XYLT1: variants seen among roughly 807,000 people sequenced by gnomAD.
XYLT1 encodes xylosyltransferase 1, also known as beta-D-xylosyltransferase 1.
In XYLT1, 36 loss-of-function variants were observed where a neutral mutation model predicts 91.3. That is an observed-to-expected ratio of 0.39 (90% CI 0.30 to 0.52). The LOEUF (loss-of-function observed/expected upper bound fraction) is 0.52. Ranked by LOEUF, XYLT1 falls within the 20% of genes least tolerant of loss-of-function variation. XYLT1 has a pLI of 0.68. For missense variants in XYLT1, 1,242 were observed against 1,284.5 expected (o/e 0.97, Z 0.51); for synonymous variants, 588 against 532.0 (o/e 1.11, Z -1.45).
chr16:17,307,142 T>C (rs2034482348), intron 2 of XYLT1, among the ~76,000 whole-genome samples: 1 of 152,124 alleles, frequency 6.6e-6, no homozygotes, highest in Non-Finnish European at 1.5e-5. Context: ...GCAATGACAT[T>C]ATCTCAGGTC....
chr16:17,391,478 C>T (rs1163076867), intron 1 of XYLT1, among the ~76,000 whole-genome samples: 1 of 152,170 alleles, frequency 6.6e-6, no homozygotes, highest in Non-Finnish European at 1.5e-5. Context: ...GCCAGTTCTG[C>T]ATGAATTAAA....
intron 1 of XYLT1, among the ~76,000 whole-genome samples, chr16:17,417,511 C>T (rs1251643864): frequency 2.0e-5 from 3 of 152,076 alleles, no homozygotes; most frequent in Admixed American, 1.3e-4. Flanking sequence ...CTCCCAGAGC[C>T]TCCTCTGGGC....
intron 2 of XYLT1, among the ~76,000 whole-genome samples, chr16:17,332,567 T>TATAC (rs1555498154): frequency 3.1e-4 from 43 of 137,902 alleles, no homozygotes; most frequent in African/African-American, 1.1e-3. Flanking sequence ...ATCACACACA[T>TATAC]ACACACACAC....
At chr16:17,337,775 CTTTTTCTT>C (rs1219923329) in intron 2 of XYLT1, among the ~76,000 whole-genome samples, 6 of 114,214 alleles carry the variant, frequency 5.3e-5, no homozygotes, top group Non-Finnish European at 8.3e-5. Context: ...CACATTTTTT[CTTTTTCTT>C]TTTTTTTTTT....
intron 1 of XYLT1, among the ~76,000 whole-genome samples, chr16:17,421,890 T>C (rs2036255577): frequency 6.6e-6 from 1 of 152,172 alleles, no homozygotes. Flanking sequence ...CAGGCCAGAA[T>C]GCAGTGGTGC....
At chr16:17,117,201 C>G (rs7199521) in intron 11 of XYLT1, among the ~76,000 whole-genome samples, 8,617 of 152,244 alleles carry the variant, frequency 0.057, 801 homozygotes, top group African/African-American at 0.19. Context: ...AAATTCTGAA[C>G]ATGAGTACTT....
intron 1 of XYLT1, among the ~76,000 whole-genome samples, chr16:17,386,498 TG>T (rs944332660): frequency 2.6e-5 from 4 of 151,816 alleles, no homozygotes; most frequent in African/African-American, 7.3e-5. Flanking sequence ...GATGGAGAGG[TG>T]GAGGGGCTCA....
chr16:17,240,460 G>T (rs1056165415), intron 3 of XYLT1, among the ~76,000 whole-genome samples: 9 of 152,130 alleles, frequency 5.9e-5, no homozygotes, highest in Admixed American at 1.3e-4. Flanking sequence ...GCAGGGAGCG[G>T]GTATGAGACG....
chr16:17,198,945 T>C (rs1391046619), intron 4 of XYLT1, among the ~76,000 whole-genome samples: 1 of 152,178 alleles, frequency 6.6e-6, no homozygotes, highest in Non-Finnish European at 1.5e-5. Context: ...GGCTTCACCA[T>C]GTTGGACAGG....
At chr16:17,405,077 C>T (rs1010203489) in intron 1 of XYLT1, among the ~76,000 whole-genome samples, 4 of 152,062 alleles carry the variant, frequency 2.6e-5, no homozygotes, top group South Asian at 2.1e-4. Flanking sequence ...CGCCACCCCG[C>T]GCCACCTCTC....
chr16:17,220,455 G>C (rs1597201784), intron 3 of XYLT1, among the ~76,000 whole-genome samples: 1 of 152,244 alleles, frequency 6.6e-6, no homozygotes, highest in African/African-American at 2.4e-5. Flanking sequence ...GGGGAACTCA[G>C]GTCAATGTCT....
chr16:17,243,704 A>G (rs2141737437), intron 3 of XYLT1, among the ~76,000 whole-genome samples: 1 of 152,312 alleles, frequency 6.6e-6, no homozygotes, highest in Non-Finnish European at 1.5e-5. Flanking sequence ...AAGGAGCGGC[A>G]ACGGTCAGCA....
At chr16:17,316,335 C>G (rs982642554) in intron 2 of XYLT1, among the ~76,000 whole-genome samples, 1 of 152,148 alleles carries the variant, frequency 6.6e-6, no homozygotes, top group African/African-American at 2.4e-5. Context: ...ATGCCTCCCC[C>G]TCCATGCAGA....
chr16:17,273,895 C>T (rs1380477784), intron 2 of XYLT1, among the ~76,000 whole-genome samples: 1 of 150,878 alleles, frequency 6.6e-6, no homozygotes, highest in African/African-American at 2.4e-5. Context: ...ACCCATCATT[C>T]ATTCGGTCAG....
intron 2 of XYLT1, among the ~76,000 whole-genome samples, chr16:17,306,245 G>T (rs1179699587): frequency 6.6e-6 from 1 of 152,180 alleles, no homozygotes; most frequent in African/African-American, 2.4e-5. Flanking sequence ...AAGAACAAGA[G>T]AATAGGAGCG....
intron 3 of XYLT1, among the ~76,000 whole-genome samples, chr16:17,241,684 G>C (rs1227483515): frequency 6.6e-6 from 1 of 152,234 alleles, no homozygotes; most frequent in Non-Finnish European, 1.5e-5. Context: ...GGAACTTGCT[G>C]CTTCCTTACG....
At position 17,174,958 on chromosome 16, in the gene XYLT1, G is replaced by C. The variant is rs181632095; in HGVS notation, c.1290-16049C>G. On this transcript the variant is annotated intron_variant, in intron 5 of 11. Coordinates refer to ENST00000261381, the MANE Select transcript of XYLT1 (RefSeq NM_022166.4). ...GCTAATTTTTTGTATTTTTAGTAGA[G>C]ACAGGCTTTCATCATGTTGGCCAGG... 3.3e-4 allele frequency among the ~76,000 whole-genome samples: 50 copies of C among 152,230 alleles called. No individual in the cohort carries two copies. The East Asian group carries it at 8.3e-3, about 25-fold the overall frequency.
At chr16:17,176,481 G>A (rs183523092) in intron 5 of XYLT1, among the ~76,000 whole-genome samples, 1 of 152,308 alleles carries the variant, frequency 6.6e-6, no homozygotes, top group African/African-American at 2.4e-5. Flanking sequence ...CAGAACAGCT[G>A]GAAATTGAAC....
chr16:17,230,475 T>C (rs2033141516), intron 3 of XYLT1, among the ~76,000 whole-genome samples: 1 of 152,222 alleles, frequency 6.6e-6, no homozygotes. Flanking sequence ...GAGCAGTAGA[T>C]GGTCCTGCTC....
Sources: allele counts gnomAD v4.1 joint callset (sites outside exome capture counted in the v4.1 genomes callset), GRCh38; gene constraint gnomAD v4.1.1; transcripts MANE v1.5; gene names NCBI Gene and HGNC (gene_info 2026-07-23, HGNC 2026-07-21).